SLC25A21: variants seen among roughly 807,000 people sequenced by gnomAD.
The protein encoded by SLC25A21 is solute carrier family 25 member 21.
A neutral mutation model predicts 43.8 loss-of-function variants in SLC25A21; 47 were observed. The observed-to-expected ratio is 1.07, with a 90% confidence interval of 0.85 to 1.37. The LOEUF (loss-of-function observed/expected upper bound fraction) is 1.37, where lower values mean the gene tolerates loss of function less well. Among genes scored for constraint, SLC25A21 ranks in the 40% most tolerant of loss-of-function variants. SLC25A21 has a pLI of 0.00. For synonymous variants in SLC25A21, 131 were observed against 121.3 expected, an observed-to-expected ratio of 1.08 and a Z score of -0.52; for missense variants, 352 against 350.2, an observed-to-expected ratio of 1.00 and a Z score of -0.04.
At chr14:36,998,428 T>G (rs1960418360) in intron 1 of SLC25A21, among the ~76,000 whole-genome samples, 1 of 152,096 alleles carries the variant, frequency 6.6e-6, no homozygotes, top group South Asian at 2.1e-4. Context: ...TCATGAATCA[T>G]GAGGAATCAT....
chr14:36,680,800 T>G, intron 9 of SLC25A21, 81 bp from the exon 10 acceptor site: 4 of 1,291,098 alleles, frequency 3.1e-6, no homozygotes, highest in South Asian at 1.3e-5. Context: ...GAATCCATGA[T>G]GTCTCGCACA....
chr14:36,757,163 T>C (rs1314291567), intron 3 of SLC25A21, among the ~76,000 whole-genome samples: 1 of 148,918 alleles, frequency 6.7e-6, no homozygotes, highest in African/African-American at 2.5e-5. Flanking sequence ...GAGGCTGAGG[T>C]GGGAGAATTG....
intron 3 of SLC25A21, 25 bp downstream of exon 3, chr14:36,813,893 A>T: frequency 6.9e-7 from 1 of 1,459,188 alleles, no homozygotes; most frequent in Non-Finnish European, 9.5e-7. Flanking sequence ...ACATATTAAA[A>T]TGGCTATATG....
At chr14:37,117,175 T>C (rs1387142546) in intron 1 of SLC25A21, among the ~76,000 whole-genome samples, 3 of 152,160 alleles carry the variant, frequency 2.0e-5, no homozygotes, top group Admixed American at 6.5e-5. Flanking sequence ...ATCATCCTTT[T>C]GAAATTTGGA....
In SLC25A21 at chr14:36,760,174, GC is replaced by G. The variant is rs1886090439; in HGVS notation, c.204-25602del. Among the ~76,000 whole-genome samples, 3 of 152,264 alleles carry G rather than the reference GC, an allele frequency of 2.0e-5. No individual in the cohort carries two copies. The South Asian group carries it at 6.2e-4, about 32-fold the overall frequency. On this transcript the variant is annotated intron_variant, in intron 3 of 9. Coordinates refer to ENST00000331299, the MANE Select transcript of SLC25A21 (RefSeq NM_030631.4). ...GTATGTGGACACTACAGTTTCAGGG[GC>G]AGCAGGAACTGCCTCCCTTGTGATA...
At chr14:36,777,958 T>A (rs1886897660) in intron 3 of SLC25A21, among the ~76,000 whole-genome samples, 1 of 152,132 alleles carries the variant, frequency 6.6e-6, no homozygotes, top group African/African-American at 2.4e-5. Flanking sequence ...CCCCTCAAAG[T>A]CATTATCTTT....
chr14:36,892,426 C>T (rs971385820), intron 1 of SLC25A21, among the ~76,000 whole-genome samples: 1 of 151,980 alleles, frequency 6.6e-6, no homozygotes, highest in Non-Finnish European at 1.5e-5. Flanking sequence ...TATATATAAA[C>T]AATGAAATGC....
intron 7 of SLC25A21, among the ~76,000 whole-genome samples, chr14:36,701,638 T>C (rs1316658479): frequency 1.3e-5 from 2 of 152,210 alleles, no homozygotes; most frequent in Admixed American, 1.3e-4. Context: ...TAGTTATCTC[T>C]TGATTATATC....
In SLC25A21 at chr14:36,781,856, C is replaced by CAAT. The variant is rs1321172009; in HGVS notation, c.203+32061_203+32062insATT. 3.9e-5 allele frequency among the ~76,000 whole-genome samples: 6 copies of CAAT among 152,244 alleles called. No homozygotes were observed. The East Asian group carries it at 1.2e-3, about 29-fold the overall frequency. Reference sequence around the variant, plus strand: ...GGAGTCTTATACTTTCATATGTTTTCATGTTACTAATTAACATCCTTTTAT... The same window carrying CAAT: ...GGAGTCTTATACTTTCATATGTTTTCAATATGTTACTAATTAACATCCTTTTAT... On this transcript the variant is annotated intron_variant, in intron 3 of 9. Coordinates refer to ENST00000331299, the MANE Select transcript of SLC25A21 (RefSeq NM_030631.4).
At position 36,678,973 on chromosome 14, in the gene SLC25A21, G is replaced by A. The variant is rs1882047624; in HGVS notation, c.*1685C>T. ...TTAAAGATTATTATTGGTTAATGTTGACATATTTCCTCTATCTCATAGATG... is the reference window on the plus strand; with the variant it reads ...TTAAAGATTATTATTGGTTAATGTTAACATATTTCCTCTATCTCATAGATG... On this transcript the variant is annotated 3_prime_UTR_variant, in exon 10 of 10. Coordinates refer to ENST00000331299, the MANE Select transcript of SLC25A21 (RefSeq NM_030631.4). 3.1e-6 allele frequency: 3 copies of A among 981,634 alleles called. No individual in the cohort carries two copies. Among genetic ancestry groups the A allele is most frequent in the African/African-American group, 3.5e-5 (2 of 56,936 alleles). 60.8% of individuals were successfully genotyped at this position (981,634 alleles called of 1,614,324 possible).
intron 7 of SLC25A21, among the ~76,000 whole-genome samples, chr14:36,693,307 A>T (rs1348746317): frequency 6.6e-6 from 1 of 152,204 alleles, no homozygotes; most frequent in African/African-American, 2.4e-5. Context: ...CTCTGCTGTG[A>T]AAGATGTGAA....
intron 1 of SLC25A21, among the ~76,000 whole-genome samples, chr14:37,053,340 T>A (rs562086231): frequency 1.3e-5 from 2 of 152,312 alleles, no homozygotes; most frequent in Admixed American, 1.3e-4. Context: ...AGGAATCTAT[T>A]AGAGAACAAG....
intron 1 of SLC25A21, among the ~76,000 whole-genome samples, chr14:36,992,862 T>C (rs1960294192): frequency 2.0e-5 from 3 of 152,178 alleles, no homozygotes; most frequent in Admixed American, 2.0e-4. Flanking sequence ...CAGATCCACT[T>C]AATCCCATCT....
intron 1 of SLC25A21, among the ~76,000 whole-genome samples, chr14:37,078,842 C>CT (rs112086617): frequency 0.053 from 7,705 of 144,114 alleles, 265 homozygotes; most frequent in African/African-American, 0.093. Flanking sequence ...CATTATTTTC[C>CT]TTTTTTTTTT....
chr14:36,967,991 G>T (rs1023227958), intron 1 of SLC25A21, among the ~76,000 whole-genome samples: 12 of 152,178 alleles, frequency 7.9e-5, no homozygotes, highest in African/African-American at 2.9e-4. Context: ...TCTAACCTAA[G>T]CAAGAAGGTT....
rs1212361902 is a variant in SLC25A21, at chr14:36,821,134, A to C, written c.120-7133T>G. On this transcript the variant is annotated intron_variant, in intron 2 of 9. Transcript: ENST00000331299. Reference sequence around the variant, plus strand: ...CTGAGGTTTTGAAATTTATGTGTACACACCGACCTCACCAACTCTGGGCAA... The same window carrying C: ...CTGAGGTTTTGAAATTTATGTGTACCCACCGACCTCACCAACTCTGGGCAA... Among the ~76,000 whole-genome samples the C allele has an allele frequency of 2.0e-5, 3 of 152,166 alleles. No individual in the cohort carries two copies. In the East Asian group the frequency reaches 5.8e-4, roughly 29 times the overall value.
intron 1 of SLC25A21, among the ~76,000 whole-genome samples, chr14:37,048,477 TAA>T (rs201028988): frequency 6.2e-5 from 9 of 145,492 alleles, no homozygotes; most frequent in African/African-American, 1.8e-4. Flanking sequence ...GTTTTGCAGT[TAA>T]AAAAAAAAAA....
chr14:36,886,652 A>G (rs1441469964), intron 1 of SLC25A21, among the ~76,000 whole-genome samples: 3 of 152,246 alleles, frequency 2.0e-5, no homozygotes, highest in Non-Finnish European at 4.4e-5. Context: ...AAGTTGAGAC[A>G]GAGTTTTAAA....
intron 3 of SLC25A21, among the ~76,000 whole-genome samples, chr14:36,739,675 T>TA (rs58995003): frequency 9.1e-6 from 1 of 110,168 alleles, no homozygotes; most frequent in Non-Finnish European, 1.8e-5. Flanking sequence ...AGACTCTGTC[T>TA]AAAAAAAAAG....
Sources: allele counts gnomAD v4.1 joint callset (sites outside exome capture counted in the v4.1 genomes callset), GRCh38; gene constraint gnomAD v4.1.1; transcripts MANE v1.5; gene names NCBI Gene and HGNC (gene_info 2026-07-23, HGNC 2026-07-21).